The following ZNF804A variants were observed in gnomAD, a reference collection of about 807,000 sequenced individuals.
ZNF804A encodes zinc finger protein 804A.
Under a neutral mutation model 16.5 loss-of-function variants are expected in ZNF804A, and 2 were observed. The ratio of observed to expected loss-of-function variants is 0.12; its 90% CI spans 0.05 to 0.38. The LOEUF is 0.38. Ranked by LOEUF, ZNF804A falls within the 10% of genes least tolerant of loss-of-function variation. The pLI is 0.99. For synonymous variants in ZNF804A, 534 were observed against 489.6 expected (o/e 1.09, Z -1.20); for missense variants, 1,473 against 1,390.7 (o/e 1.06, Z -0.94).
intron 1 of ZNF804A, among the ~76,000 whole-genome samples, chr2:184,860,233 A>G (rs1695777959): frequency 6.6e-6 from 1 of 152,158 alleles, no homozygotes; most frequent in South Asian, 2.1e-4. Flanking sequence ...ATGTATAGGT[A>G]CTGGCCTAGA....
At chr2:184,770,213 G>A (rs933048181) in intron 1 of ZNF804A, among the ~76,000 whole-genome samples, 6 of 152,034 alleles carry the variant, frequency 3.9e-5, no homozygotes, top group Non-Finnish European at 7.4e-5. Flanking sequence ...GGAAGTTATA[G>A]TAACAAATTG....
At chr2:184,784,004 T>G (rs189925990) in intron 1 of ZNF804A, among the ~76,000 whole-genome samples, 4 of 152,104 alleles carry the variant, frequency 2.6e-5, no homozygotes, top group Non-Finnish European at 5.9e-5. Flanking sequence ...GCCATTATGT[T>G]TCTAGTTTTC....
chr2:184,827,626 T>C lies in ZNF804A; in HGVS notation c.112-38743T>C, dbSNP rs1695186498. ...CTGCTTCAGGCAAGCAATAAGTAGA[T>C]TACTTTTGCATGTTCTAGATGTTCA... On this transcript the variant is annotated intron_variant, in intron 1 of 3. Coordinates refer to ENST00000302277, the MANE Select transcript of ZNF804A (RefSeq NM_194250.2). Among the ~76,000 whole-genome samples the C allele has an allele frequency of 2.6e-5, 4 of 151,228 alleles. No homozygotes were observed. The South Asian group carries it at 8.3e-4, about 31-fold the overall frequency.
At chr2:184,714,201 A>G (rs1306150511) in intron 1 of ZNF804A, among the ~76,000 whole-genome samples, 1 of 152,016 alleles carries the variant, frequency 6.6e-6, no homozygotes, top group African/African-American at 2.4e-5. Context: ...TTAAAATACA[A>G]AAGTCATTCA....
Position 184,938,522 on chromosome 2 carries a change from C to G in ZNF804A, c.3126C>G (p.Asp1042Glu), listed in dbSNP as rs1021268901. 6.8e-6 allele frequency: 11 copies of G among 1,614,060 alleles called. No individual in the cohort carries two copies. Among genetic ancestry groups the G allele is most frequent in the Non-Finnish European group, 9.3e-6 (11 of 1,180,006 alleles). The change falls in exon 4 of 4, where the codon GAC (aspartate) becomes GAG (glutamate). Residue 1042 changes from aspartate (D) to glutamate (E), a missense_variant. Transcript: ENST00000302277. ...QALLIPLENH[D>E]KFKNVPCEVY... ...TATTGATCCCACTAGAAAACCATGA[C>G]AAATTCAAAAATGTACCATGTGAGG...
rs1034046777 is a variant in ZNF804A, at chr2:184,887,261, C to T, written c.255+20749C>T. ...TTGCTCCAGTTCACAATGGGTTCCTCGTCTCCATCTGAGATTACCTCAGGC... is the reference window on the plus strand; with the variant it reads ...TTGCTCCAGTTCACAATGGGTTCCTTGTCTCCATCTGAGATTACCTCAGGC... On this transcript the variant is annotated intron_variant, in intron 2 of 3. Transcript: ENST00000302277. 6.6e-5 allele frequency among the ~76,000 whole-genome samples: 10 copies of T among 152,190 alleles called. No individual in the cohort carries two copies. In the East Asian group the frequency reaches 1.2e-3, roughly 18 times the overall value.
At chr2:184,900,379 C>T (rs1685160075) in intron 2 of ZNF804A, among the ~76,000 whole-genome samples, 1 of 151,984 alleles carries the variant, frequency 6.6e-6, no homozygotes, top group African/African-American at 2.4e-5. Context: ...TAAAACTACG[C>T]GAAGAAGAGT....
intron 2 of ZNF804A, among the ~76,000 whole-genome samples, chr2:184,917,141 C>A (rs928196057): frequency 3.3e-5 from 5 of 152,122 alleles, no homozygotes; most frequent in Admixed American, 3.3e-4. Context: ...CAAGTTGACA[C>A]ATGCAATTAA....
intron 1 of ZNF804A, among the ~76,000 whole-genome samples, chr2:184,826,035 C>CTATT (rs71011060): frequency 5.0e-4 from 75 of 149,562 alleles, no homozygotes; most frequent in African/African-American, 1.7e-3. Flanking sequence ...CCATGCCAGG[C>CTATT]TATTTATTTA....
At chr2:184,639,654 TCTG>T (rs1691760274) in intron 1 of ZNF804A, among the ~76,000 whole-genome samples, 1 of 152,176 alleles carries the variant, frequency 6.6e-6, no homozygotes, top group Non-Finnish European at 1.5e-5. Flanking sequence ...TTTAATTTCA[TCTG>T]TATTTTGAGT....
intron 2 of ZNF804A, among the ~76,000 whole-genome samples, chr2:184,891,038 AT>A (rs1684976899): frequency 6.6e-6 from 1 of 152,132 alleles, no homozygotes; most frequent in African/African-American, 2.4e-5. Context: ...ATAGTGAGCA[AT>A]ACAACCACAA....
In ZNF804A at chr2:184,936,790, A is replaced by G; in HGVS notation, c.1394A>G (p.Lys465Arg). The part of the protein sequence containing the change: ...YSCNPLCFDF[K>R]STKVNNNLDK... The stretch of plus-strand genomic sequence containing the variant: ...TGTAATCCTCTATGTTTTGACTTCA[A>G]GTCTACTAAAGTAAATAATAATCTA... Residue 465 changes from lysine to arginine, a missense_variant, in exon 4 of 4, where the codon AAG (lysine) becomes AGG (arginine). Coordinates refer to ENST00000302277, the MANE Select transcript of ZNF804A (RefSeq NM_194250.2). 6.2e-7 allele frequency: 1 copy of G among 1,613,678 alleles called. No homozygotes were observed. The highest frequency in any genetic ancestry group is 8.5e-7 in the Non-Finnish European group (1 of 1,179,820).
chr2:184,667,282 C>A (rs114734951), intron 1 of ZNF804A, among the ~76,000 whole-genome samples: 55 of 151,970 alleles, frequency 3.6e-4, no homozygotes, highest in African/African-American at 1.3e-3. Context: ...AGATTCAGAT[C>A]TCTTGTATAG....
At chr2:184,934,183 C>T (rs1049440871) in intron 3 of ZNF804A, among the ~76,000 whole-genome samples, 1 of 151,966 alleles carries the variant, frequency 6.6e-6, no homozygotes, top group Non-Finnish European at 1.5e-5. Context: ...AAGAATTTTG[C>T]TTGAGAAGCA....
intron 1 of ZNF804A, among the ~76,000 whole-genome samples, chr2:184,809,644 C>T (rs1694861402): frequency 2.6e-5 from 4 of 151,566 alleles, no homozygotes; most frequent in Admixed American, 2.6e-4. Flanking sequence ...AGTATATATA[C>T]TATATATTTT....
chr2:184,716,944 A>G (rs771700350), intron 1 of ZNF804A, among the ~76,000 whole-genome samples: 3 of 152,030 alleles, frequency 2.0e-5, no homozygotes, highest in Non-Finnish European at 2.9e-5. Flanking sequence ...TACTCCTCCA[A>G]CTGTCCTCTT....
intron 1 of ZNF804A, among the ~76,000 whole-genome samples, chr2:184,625,133 C>G (rs1417057795): frequency 6.6e-6 from 1 of 152,086 alleles, no homozygotes; most frequent in Non-Finnish European, 1.5e-5. Context: ...TGTCAAGAAT[C>G]AGGTTGGCAG....
chr2:184,929,586 T>C (rs1685664121), intron 2 of ZNF804A, among the ~76,000 whole-genome samples: 1 of 152,156 alleles, frequency 6.6e-6, no homozygotes, highest in African/African-American at 2.4e-5. Flanking sequence ...GTTTGTTGAC[T>C]AGAGCTTTTC....
At chr2:184,602,882 G>A (rs60269985) in intron 1 of ZNF804A, among the ~76,000 whole-genome samples, 37,247 of 151,796 alleles carry the variant, frequency 0.25, 4,766 homozygotes, top group South Asian at 0.32. Flanking sequence ...GAATATCTAG[G>A]GATCATTATG....
Sources: gnomAD v4.1 joint callset for allele counts (sites outside exome capture counted in the v4.1 genomes callset) on GRCh38, gnomAD v4.1.1 for gene constraint, MANE v1.5 for transcripts, NCBI Gene and HGNC (gene_info 2026-07-23, HGNC 2026-07-21) for gene names.